PPFIA2: variants seen among roughly 807,000 people sequenced by gnomAD.
PPFIA2 encodes the protein PPFI scaffold protein A2.
In PPFIA2, 46 loss-of-function variants were observed where a neutral mutation model predicts 175.5. The ratio of observed to expected loss-of-function variants is 0.26; its 90% CI spans 0.21 to 0.34. The LOEUF (loss-of-function observed/expected upper bound fraction) is 0.34, where lower values mean the gene tolerates loss of function less well. Among genes scored for constraint, PPFIA2 ranks in the 10% least tolerant of loss-of-function variants. PPFIA2 has a pLI of 1.00. For synonymous variants in PPFIA2, 568 were observed against 511.4 expected, an observed-to-expected ratio of 1.11 and a Z score of -1.49; for missense variants, 1,179 against 1,506.1, an observed-to-expected ratio of 0.78 and a Z score of 3.60.
intron 4 of PPFIA2, among the ~76,000 whole-genome samples, chr12:81,467,399 A>AT (rs796400546): frequency 7.1e-4 from 108 of 152,034 alleles, no homozygotes; most frequent in African/African-American, 2.4e-3. Context: ...TTTCTTAAAC[A>AT]TGTCTCTGGC....
intron 4 of PPFIA2, among the ~76,000 whole-genome samples, chr12:81,650,934 C>G (rs760062941): frequency 2.0e-5 from 3 of 152,064 alleles, no homozygotes; most frequent in Admixed American, 2.0e-4. Flanking sequence ...TTAAATTCTA[C>G]GGAGAGGGCA....
chr12:81,521,682 T>A (rs190846930), intron 4 of PPFIA2, among the ~76,000 whole-genome samples: 14 of 148,168 alleles, frequency 9.4e-5, no homozygotes, highest in African/African-American at 3.0e-4. Flanking sequence ...TAGCCAGGCA[T>A]GGTGGCGGGC....
intron 4 of PPFIA2, among the ~76,000 whole-genome samples, chr12:81,542,612 C>G (rs190678013): frequency 6.6e-6 from 1 of 152,102 alleles, no homozygotes; most frequent in Non-Finnish European, 1.5e-5. Flanking sequence ...TTTCCCTCAG[C>G]TGGACTAAAT....
At chr12:81,746,969 A>T (rs2464737) in intron 3 of PPFIA2, among the ~76,000 whole-genome samples, 23,441 of 143,250 alleles carry the variant, frequency 0.16, 4,993 homozygotes, top group Non-Finnish European at 0.22. Context: ...TTCAAGGGAC[A>T]TGGAGAATAT....
At position 81,409,264 on chromosome 12, in the gene PPFIA2, G is replaced by A. The variant is rs139431566; in HGVS notation, c.646-3361C>T. Reference sequence around the variant, plus strand: ...GCAAATTGCCTACAAGAAAACTAACGTAGGTCTGGATGCCTCACCACTAAA... The same window carrying A: ...GCAAATTGCCTACAAGAAAACTAACATAGGTCTGGATGCCTCACCACTAAA... On this transcript the variant is annotated intron_variant, in intron 7 of 32. Transcript: ENST00000549396. Among the ~76,000 whole-genome samples the A allele has an allele frequency of 3.4e-3, 519 of 152,212 alleles. 1 individual carries two copies. Among genetic ancestry groups the A allele is most frequent in the Non-Finnish European group, 5.1e-3 (346 of 68,004 alleles).
chr12:81,359,857 T>C (rs1326392843), intron 15 of PPFIA2, among the ~76,000 whole-genome samples: 2 of 151,938 alleles, frequency 1.3e-5, no homozygotes, highest in Non-Finnish European at 2.9e-5. Flanking sequence ...CTGCTTAAAA[T>C]TATTCAATGT....
In PPFIA2 at chr12:81,268,074, C is replaced by A; in HGVS notation, c.3324G>T (p.Trp1108Cys). 6.3e-7 allele frequency: 1 copy of A among 1,594,462 alleles called. No individual in the cohort carries two copies. Among genetic ancestry groups the A allele is most frequent in the East Asian group, 2.3e-5 (1 of 44,354 alleles). ...SQHEIKDVLVWSNDRVIRWIQ... is the reference protein window; with the variant it reads ...SQHEIKDVLVCSNDRVIRWIQ... ...TCCAGCGAATAACTCGGTCATTGCT[C>A]CACACCAACACGTCTAGGAAAAGAG... The change falls in exon 29 of 33, where the codon TGG (tryptophan) becomes TGT (cysteine). Residue 1108 changes from tryptophan (W) to cysteine (C), a missense_variant. Trp to Cys is a radical substitution (Grantham distance 215). Around this residue, in one of 10 missense-constraint regions of PPFIA2, gnomAD observed 245 missense variants for 375.1 expected, o/e 0.65. Transcript: ENST00000549396.
At position 81,440,833 on chromosome 12, in the gene PPFIA2, T is replaced by A. The variant is rs182593397; in HGVS notation, c.571-787A>T. 5.7e-4 allele frequency among the ~76,000 whole-genome samples: 85 copies of A among 148,842 alleles called. 1 individual carries two copies. The South Asian group carries it at 8.8e-3, about 15-fold the overall frequency. On this transcript the variant is annotated intron_variant, in intron 6 of 32. Coordinates refer to ENST00000549396, the MANE Select transcript of PPFIA2 (RefSeq NM_003625.5). ...GTCCTGATATATATATATATATATATAAAACAATTCAGAGAAAGAAATATT... is the reference window on the plus strand; with the variant it reads ...GTCCTGATATATATATATATATATAAAAAACAATTCAGAGAAAGAAATATT...
At chr12:81,544,083 TA>T (rs1298066478) in intron 4 of PPFIA2, among the ~76,000 whole-genome samples, 2 of 152,090 alleles carry the variant, frequency 1.3e-5, no homozygotes, top group African/African-American at 4.8e-5. Context: ...TTAATAAAAA[TA>T]TATCAACATT....
intron 4 of PPFIA2, among the ~76,000 whole-genome samples, chr12:81,607,317 AG>A (rs1213764651): frequency 6.6e-6 from 1 of 152,062 alleles, no homozygotes; most frequent in Non-Finnish European, 1.5e-5. Context: ...ATTTTAGAAT[AG>A]TTTTCTCTAA....
At chr12:81,406,199 T>C (rs962084740) in intron 7 of PPFIA2, among the ~76,000 whole-genome samples, 1 of 152,200 alleles carries the variant, frequency 6.6e-6, no homozygotes, top group Non-Finnish European at 1.5e-5. Flanking sequence ...GATATATTTG[T>C]ATTCACGTGA....
intron 5 of PPFIA2, among the ~76,000 whole-genome samples, chr12:81,447,653 C>A (rs1030830387): frequency 2.0e-5 from 3 of 152,168 alleles, no homozygotes; most frequent in Non-Finnish European, 4.4e-5. Context: ...AATTTTTCTA[C>A]CAAATTTCAT....
chr12:81,676,960 T>A (rs777248196), intron 3 of PPFIA2, 116 bp from the exon 4 acceptor site: 4 of 673,326 alleles, frequency 5.9e-6, no homozygotes, highest in Non-Finnish European at 7.0e-6. Context: ...AGCTATTTTA[T>A]TATTTTTTTG....
chr12:81,395,580 T>A (rs1566636082), intron 8 of PPFIA2, among the ~76,000 whole-genome samples: 1 of 151,970 alleles, frequency 6.6e-6, no homozygotes, highest in African/African-American at 2.4e-5. Flanking sequence ...AATTTCCTTA[T>A]CTGACTGAAA....
At chr12:81,666,058 G>A (rs28693019) in intron 4 of PPFIA2, among the ~76,000 whole-genome samples, 10 of 152,064 alleles carry the variant, frequency 6.6e-5, no homozygotes, top group African/African-American at 1.2e-4. Context: ...AAACCACAAT[G>A]AGATACCATC....
At chr12:81,592,652 T>C (rs1314044523) in intron 4 of PPFIA2, among the ~76,000 whole-genome samples, 1 of 152,124 alleles carries the variant, frequency 6.6e-6, no homozygotes, top group Non-Finnish European at 1.5e-5. Context: ...CATGACTTGC[T>C]CCTCTTTGCC....
chr12:81,281,045 C>G (rs1354406234), intron 27 of PPFIA2, among the ~76,000 whole-genome samples: 1 of 151,914 alleles, frequency 6.6e-6, no homozygotes, highest in Non-Finnish European at 1.5e-5. Context: ...TTTCCATAAA[C>G]TTTGGGCACA....
chr12:81,620,594 T>C (rs2061948747), intron 4 of PPFIA2, among the ~76,000 whole-genome samples: 1 of 152,212 alleles, frequency 6.6e-6, no homozygotes, highest in Non-Finnish European at 1.5e-5. Flanking sequence ...CTACTGATTT[T>C]AAACTGATGA....
chr12:81,611,458 G>A (rs1199711110), intron 4 of PPFIA2, among the ~76,000 whole-genome samples: 2 of 152,118 alleles, frequency 1.3e-5, no homozygotes, highest in Non-Finnish European at 2.9e-5. Context: ...TTCATGGTTG[G>A]GTTCTAGCTG....
Sources: gnomAD v4.1 joint callset for allele counts (sites outside exome capture counted in the v4.1 genomes callset) on GRCh38, gnomAD v4.1.1 for gene constraint, gnomAD v4.1.1 regional missense constraint, MANE v1.5 for transcripts, NCBI Gene and HGNC (gene_info 2026-07-23, HGNC 2026-07-21) for gene names.